The following PCDHA9 variants were observed in gnomAD, a reference collection of about 807,000 sequenced individuals.
The protein encoded by PCDHA9 is protocadherin alpha-9.
Under a neutral mutation model 62.0 loss-of-function variants are expected in PCDHA9, and 62 were observed. The observed-to-expected ratio is 1.00, with a 90% CI of 0.81 to 1.23. The LOEUF is 1.23. Ranked by LOEUF, PCDHA9 falls within the 50% of genes most tolerant of loss-of-function variation. The pLI is 0.00. For synonymous variants in PCDHA9, 557 were observed against 567.6 expected (o/e 0.98, Z 0.27); for missense variants, 1,205 against 1,249.8 (o/e 0.96, Z 0.54).
chr5:140,924,754 G>T (rs1332624356), intron 1 of PCDHA9, among the ~76,000 whole-genome samples: 1 of 151,848 alleles, frequency 6.6e-6, no homozygotes, highest in African/African-American at 2.4e-5. Flanking sequence ...AATTAACCGA[G>T]CATGGTGGTG....
intron 1 of PCDHA9, among the ~76,000 whole-genome samples, chr5:140,900,090 A>G (rs1370301453): frequency 6.6e-6 from 1 of 152,152 alleles, no homozygotes; most frequent in Non-Finnish European, 1.5e-5. Context: ...AGTTACAAGC[A>G]TGCGCCACCA....
chr5:140,880,743 T>C (rs976006299), intron 1 of PCDHA9, among the ~76,000 whole-genome samples: 7 of 152,212 alleles, frequency 4.6e-5, no homozygotes, highest in African/African-American at 1.7e-4. Flanking sequence ...AAATGGATTG[T>C]CAGTGTAACT....
At chr5:140,887,982 A>T (rs1372528675) in intron 1 of PCDHA9, among the ~76,000 whole-genome samples, 1 of 152,180 alleles carries the variant, frequency 6.6e-6, no homozygotes, top group African/African-American at 2.4e-5. Flanking sequence ...AATTTATTTT[A>T]CATGTCTCCA....
intron 1 of PCDHA9, among the ~76,000 whole-genome samples, chr5:140,977,234 A>G (rs2096751203): frequency 1.3e-5 from 2 of 152,242 alleles, no homozygotes; most frequent in Non-Finnish European, 2.9e-5. Flanking sequence ...CCAATCATAG[A>G]AAAATTGGCA....
intron 1 of PCDHA9, among the ~76,000 whole-genome samples, chr5:140,909,044 T>C (rs538559353): frequency 6.6e-6 from 1 of 152,336 alleles, no homozygotes; most frequent in South Asian, 2.1e-4. Context: ...TTCCATACTC[T>C]GGCATGCAAA....
At chr5:140,993,437 C>A (rs1193523462) in intron 3 of PCDHA9, among the ~76,000 whole-genome samples, 1 of 150,056 alleles carries the variant, frequency 6.7e-6, no homozygotes, top group Non-Finnish European at 1.5e-5. Context: ...AATCCTTATT[C>A]ATTCCTGTTC....
At chr5:140,941,221 T>TTCTTTCTTTCTTTCTTTCTTTCTC (rs2092905955) in intron 1 of PCDHA9, among the ~76,000 whole-genome samples, 1 of 131,536 alleles carries the variant, frequency 7.6e-6, no homozygotes, top group Admixed American at 7.9e-5. Context: ...CTTCCTTTCT[T>TTCTTTCTTTCTTTCTTTCTTTCTC]TCTTTCTTTC....
chr5:140,872,373 T>C (rs1437548177), intron 1 of PCDHA9, among the ~76,000 whole-genome samples: 3 of 152,182 alleles, frequency 2.0e-5, no homozygotes, highest in African/African-American at 4.8e-5. Flanking sequence ...AGGCCTGTAA[T>C]CCCAGCTATT....
At chr5:140,993,577 T>A (rs1215999612) in intron 3 of PCDHA9, among the ~76,000 whole-genome samples, 1 of 151,978 alleles carries the variant, frequency 6.6e-6, no homozygotes, top group African/African-American at 2.4e-5. Flanking sequence ...CTAGGGATGC[T>A]TTTCTTGGCT....
chr5:141,011,085 T>C lies in PCDHA9; in HGVS notation c.*1148T>C, dbSNP rs2098419298. The C allele has an allele frequency of 6.5e-6, 1 of 153,776 alleles. No homozygotes were observed. Among genetic ancestry groups the C allele is most frequent in the Non-Finnish European group, 1.5e-5 (1 of 68,046 alleles). The allele number at this position is 153,776 out of a possible 1,614,324, so 9.5% of individuals were successfully genotyped here. A position where few individuals can be genotyped will look rare whatever the true frequency, so the allele number is the denominator to read the frequency against. ...ATGTATTACTAAATAAAATGATCTC[T>C]CTTTCTCTCTCTCTCTCTCTTTTCT... On this transcript the variant is annotated 3_prime_UTR_variant, in exon 4 of 4. Transcript: ENST00000532602.
In PCDHA9 at chr5:140,870,604, C is replaced by A. The variant is rs376574285; in HGVS notation, c.2394+19715C>A. 10 of 1,613,134 alleles carry A rather than the reference C, an allele frequency of 6.2e-6. No homozygotes were observed. The African/African-American group carries it at 6.7e-5, about 11-fold the overall frequency. Reference sequence around the variant, plus strand: ...GCTGGTGGAGCGGCGGTTGGGCGACCGCGCGCTGTCGAGCTACGTGTCGGT... The same window carrying A: ...GCTGGTGGAGCGGCGGTTGGGCGACAGCGCGCTGTCGAGCTACGTGTCGGT... On this transcript the variant is annotated intron_variant, in intron 1 of 3. Coordinates refer to ENST00000532602, the MANE Select transcript of PCDHA9 (RefSeq NM_031857.2).
At chr5:140,988,579 C>T (rs1292742279) in intron 3 of PCDHA9, among the ~76,000 whole-genome samples, 2 of 152,266 alleles carry the variant, frequency 1.3e-5, no homozygotes, top group East Asian at 3.9e-4. Context: ...CACTCTGTAC[C>T]TTCCACTTTT....
At chr5:140,916,596 G>A (rs1482287916) in intron 1 of PCDHA9, among the ~76,000 whole-genome samples, 3 of 152,194 alleles carry the variant, frequency 2.0e-5, no homozygotes, top group Non-Finnish European at 4.4e-5. Context: ...GCTAGGGCCT[G>A]GAATGCGGGC....
intron 3 of PCDHA9, among the ~76,000 whole-genome samples, chr5:140,982,824 GGTTT>G (rs74513655): frequency 0.037 from 5,640 of 152,044 alleles, 162 homozygotes; most frequent in Non-Finnish European, 0.055. Flanking sequence ...AAGTTTTTGG[GGTTT>G]GTTTGTTTGT....
chr5:140,876,306 C>A (rs2056271023), intron 1 of PCDHA9: 1 of 1,613,986 alleles, frequency 6.2e-7, no homozygotes, highest in Non-Finnish European at 8.5e-7. Context: ...GAGAAATTTC[C>A]TATGGGATCA....
chr5:140,887,349 G>A (rs1311370450), intron 1 of PCDHA9, among the ~76,000 whole-genome samples: 2 of 152,084 alleles, frequency 1.3e-5, no homozygotes, highest in Non-Finnish European at 2.9e-5. Flanking sequence ...ACCTGGCTCG[G>A]CCTCCCAAAG....
rs28619398 is a variant in PCDHA9 at position 140,895,037 on chromosome 5, C to T, written c.2394+44148C>T. 4.7e-3 allele frequency among the ~76,000 whole-genome samples: 720 copies of T among 152,250 alleles called. 7 individuals are homozygous for T. The highest frequency in any genetic ancestry group is 0.016 in the African/African-American group (670 of 41,558). ...TTTTCCTTTGTTTAATTGTCCCCCA[C>T]CCACACCATTCTGCTTCATATGGAC... is the stretch of plus-strand genomic sequence containing the variant. On this transcript the variant is annotated intron_variant, in intron 1 of 3. Transcript: ENST00000532602.
In PCDHA9 at chr5:140,993,461, CT is replaced by C. The variant is rs1554253717; in HGVS notation, c.2542+10899del. 2.8e-3 allele frequency among the ~76,000 whole-genome samples: 284 copies of C among 103,272 alleles called. 3 individuals are homozygous for C. Among genetic ancestry groups the C allele is most frequent in the African/African-American group, 0.011 (251 of 22,630 alleles). 67.8% of individuals were successfully genotyped at this position (103,272 alleles called of 152,430 possible). ...TCATTCCTGTTCTCCTTCTTTCTTTCTCACACACACACACACACACACACAC... is the reference window on the plus strand; with the variant it reads ...TCATTCCTGTTCTCCTTCTTTCTTTCCACACACACACACACACACACACAC... On this transcript the variant is annotated intron_variant, in intron 3 of 3. Coordinates refer to ENST00000532602, the MANE Select transcript of PCDHA9 (RefSeq NM_031857.2).
chr5:140,968,744 G>A (rs782484391), intron 1 of PCDHA9: 20 of 1,614,164 alleles, frequency 1.2e-5, no homozygotes, highest in East Asian at 2.2e-5. Context: ...CAACCTGACC[G>A]TGGTGGTCCG....
Sources: allele counts gnomAD v4.1 joint callset (sites outside exome capture counted in the v4.1 genomes callset), GRCh38; gene constraint gnomAD v4.1.1; transcripts MANE v1.5; gene names NCBI Gene and HGNC (gene_info 2026-07-23, HGNC 2026-07-21).